Variants in STX8 observed in about 807,000 individuals in gnomAD.
STX8 encodes syntaxin 8, also known as syntaxin-8.
STX8 carries 23 observed loss-of-function variants against 37.5 expected under a neutral mutation model. The ratio of observed to expected loss-of-function variants is 0.61; its 90% CI spans 0.44 to 0.87. The LOEUF is 0.87. STX8 is among the 40% of genes least tolerant of loss of function. The pLI is 0.00. For missense variants in STX8, 313 were observed against 284.7 expected (o/e 1.10, Z -0.71); for synonymous variants, 115 against 99.1 (o/e 1.16, Z -0.95).
chr17:9,388,055 T>A (rs1912077849), intron 6 of STX8, among the ~76,000 whole-genome samples: 1 of 151,658 alleles, frequency 6.6e-6, no homozygotes, highest in African/African-American at 2.4e-5. Context: ...TTAGTTGTTG[T>A]TTCTAAACAA....
chr17:9,509,679 A>T (rs1904962107), intron 4 of STX8, among the ~76,000 whole-genome samples: 2 of 152,190 alleles, frequency 1.3e-5, no homozygotes, highest in Admixed American at 1.3e-4. Context: ...AACACTACCC[A>T]ACCACAAAAA....
chr17:9,544,676 C>G (rs1049988824), intron 4 of STX8, among the ~76,000 whole-genome samples: 2 of 152,138 alleles, frequency 1.3e-5, no homozygotes, highest in African/African-American at 4.8e-5. Context: ...GCTGAACATA[C>G]CTGGTTTACT....
rs867078587 is a variant in STX8, at chr17:9,340,551, C to T, written c.643+38001G>A. 3.3e-5 allele frequency among the ~76,000 whole-genome samples: 5 copies of T among 151,518 alleles called. 1 individual carries two copies. The South Asian group carries it at 1.0e-3, about 32-fold the overall frequency. On this transcript the variant is annotated intron_variant, in intron 7 of 7. Coordinates refer to ENST00000306357, the MANE Select transcript of STX8 (RefSeq NM_004853.3). ...ATGGAACATTCAACTCCTGATTTTC[C>T]AGAAAATCTACTCTTATGAATCCTA...
chr17:9,298,437 C>T (rs1205450998), intron 7 of STX8, among the ~76,000 whole-genome samples: 9 of 152,152 alleles, frequency 5.9e-5, no homozygotes, highest in Admixed American at 5.9e-4. Flanking sequence ...CTTCCACTGC[C>T]ACGTGCACTC....
chr17:9,427,456 T>C lies in STX8; in HGVS notation c.542-48803A>G, dbSNP rs189373003. On this transcript the variant is annotated intron_variant, in intron 6 of 7. Transcript: ENST00000306357. ...TGCTATAATGTGATATATACATTCCTGAAAAATCTCACATCCTACAAAATC... is the reference window on the plus strand; with the variant it reads ...TGCTATAATGTGATATATACATTCCCGAAAAATCTCACATCCTACAAAATC... Among the ~76,000 whole-genome samples, 3 of 152,294 alleles carry C rather than the reference T, an allele frequency of 2.0e-5. No homozygotes were observed. The East Asian group carries it at 5.8e-4, about 29-fold the overall frequency.
chr17:9,272,187 G>A (rs1286119134), intron 7 of STX8, among the ~76,000 whole-genome samples: 1 of 152,242 alleles, frequency 6.6e-6, no homozygotes, highest in Non-Finnish European at 1.5e-5. Context: ...CCAAATGACC[G>A]CTCTTGCTTA....
At chr17:9,542,609 G>A (rs940953705) in intron 4 of STX8, among the ~76,000 whole-genome samples, 1 of 151,910 alleles carries the variant, frequency 6.6e-6, no homozygotes, top group African/African-American at 2.4e-5. Context: ...CCTGGGAGGC[G>A]GAGCTTGCAG....
intron 6 of STX8, among the ~76,000 whole-genome samples, chr17:9,448,087 A>G (rs1022046475): frequency 6.6e-6 from 1 of 151,316 alleles, no homozygotes; most frequent in Non-Finnish European, 1.5e-5. Context: ...AGACAGGAGA[A>G]CTGTTTGAAC....
chr17:9,356,665 G>C (rs1597622131), intron 7 of STX8, among the ~76,000 whole-genome samples: 1 of 152,318 alleles, frequency 6.6e-6, no homozygotes, highest in East Asian at 1.9e-4. Flanking sequence ...TTCCCCATCT[G>C]CTTCTGGCAG....
chr17:9,268,527 C>G (rs1450979557), intron 7 of STX8, among the ~76,000 whole-genome samples: 1 of 152,148 alleles, frequency 6.6e-6, no homozygotes, highest in Non-Finnish European at 1.5e-5. Context: ...GCAGTGATGT[C>G]CCCCCGATTC....
At chr17:9,290,250 T>C (rs1280404940) in intron 7 of STX8, among the ~76,000 whole-genome samples, 4 of 152,178 alleles carry the variant, frequency 2.6e-5, no homozygotes, top group African/African-American at 9.6e-5. Context: ...GCACTATTTG[T>C]CTTTTTAAAT....
chr17:9,296,184 C>T (rs112348714), intron 7 of STX8, among the ~76,000 whole-genome samples: 25 of 141,402 alleles, frequency 1.8e-4, no homozygotes, highest in African/African-American at 5.1e-4. Context: ...AGTGAGACTC[C>T]GTCTCAAAAA....
intron 7 of STX8, among the ~76,000 whole-genome samples, chr17:9,258,705 T>C (rs942424859): frequency 6.6e-6 from 1 of 152,264 alleles, no homozygotes; most frequent in Non-Finnish European, 1.5e-5. Context: ...TGTTTTGTTC[T>C]TAGCCTGGCA....
intron 1 of STX8, 111 bp downstream of exon 1, chr17:9,575,681 C>T (rs1172542201): frequency 1.5e-6 from 2 of 1,323,862 alleles, no homozygotes; most frequent in East Asian, 2.5e-5. Context: ...CGCTGCCCCT[C>T]CCCTCATCCC....
intron 7 of STX8, among the ~76,000 whole-genome samples, chr17:9,288,882 G>A (rs1908201181): frequency 6.6e-6 from 1 of 152,254 alleles, no homozygotes; most frequent in South Asian, 2.1e-4. Context: ...AATCATGAAA[G>A]CTATAAGAAA....
intron 6 of STX8, among the ~76,000 whole-genome samples, chr17:9,479,623 A>G (rs1281199337): frequency 6.7e-6 from 1 of 148,562 alleles, no homozygotes; most frequent in African/African-American, 2.4e-5. Flanking sequence ...TTTATAAATT[A>G]TATATAATAT....
chr17:9,313,771 C>T (rs978873245), intron 7 of STX8, among the ~76,000 whole-genome samples: 1 of 152,208 alleles, frequency 6.6e-6, no homozygotes, highest in Non-Finnish European at 1.5e-5. Context: ...GCTGGGACTA[C>T]AGGCACGTGC....
intron 4 of STX8, among the ~76,000 whole-genome samples, chr17:9,524,130 G>A (rs1367006318): frequency 2.0e-5 from 3 of 152,184 alleles, no homozygotes. Flanking sequence ...CCAATGTGCG[G>A]ACTGATATGG....
At chr17:9,277,206 GA>G (rs1907707684) in intron 7 of STX8, among the ~76,000 whole-genome samples, 1 of 152,164 alleles carries the variant, frequency 6.6e-6, no homozygotes, top group South Asian at 2.1e-4. Context: ...ACTTAAAAAT[GA>G]GTAAGGAACA....
Sources: allele counts gnomAD v4.1 joint callset (sites outside exome capture counted in the v4.1 genomes callset), GRCh38; gene constraint gnomAD v4.1.1; transcripts MANE v1.5; gene names NCBI Gene and HGNC (gene_info 2026-07-23, HGNC 2026-07-21).